USP6: variants seen among roughly 807,000 people sequenced by gnomAD.
USP6 encodes ubiquitin specific peptidase 6.
A neutral mutation model predicts 175.7 loss-of-function variants in USP6; 128 were observed. That is an observed-to-expected ratio of 0.73 (90% CI 0.63 to 0.84). The LOEUF (loss-of-function observed/expected upper bound fraction) is 0.84. Ranked by LOEUF, USP6 falls within the 40% of genes least tolerant of loss-of-function variation. USP6 has a pLI of 0.00. For missense variants in USP6, 1,498 were observed against 1,760.3 expected, an observed-to-expected ratio of 0.85 and a Z score of 2.67; for synonymous variants, 562 against 630.6, an observed-to-expected ratio of 0.89 and a Z score of 1.63.
rs113233452 is a variant in USP6, at chr17:5,163,032, G to T, written c.3036+28G>T. 31 of 1,515,052 alleles carry T rather than the reference G, an allele frequency of 2.0e-5. No homozygotes were observed. The African/African-American group carries it at 3.6e-4, about 18-fold the overall frequency. 93.9% of individuals were successfully genotyped at this position (1,515,052 alleles called of 1,614,324 possible). A position where few individuals can be genotyped will look rare whatever the true frequency, so the allele number is the denominator to read the frequency against. ...AAGAATTTAGGGCCACCGTAAAATG[G>T]TGGTTTTTATATGGGAAATTTCCCC... is the stretch of plus-strand genomic sequence containing the variant. On this transcript the variant is annotated intron_variant, in intron 33 of 37. Coordinates refer to ENST00000574788, the MANE Select transcript of USP6 (RefSeq NM_001304284.2).
intron 31 of USP6, among the ~76,000 whole-genome samples, chr17:5,156,667 A>C (rs1457659060): frequency 6.6e-6 from 1 of 152,112 alleles, no homozygotes; most frequent in East Asian, 1.9e-4. Context: ...TAACTAAAAA[A>C]AGTTCTTTAC....
At position 5,132,191 on chromosome 17, in the gene USP6, C is replaced by T; in HGVS notation, c.156-205C>T. On this transcript the variant is annotated intron_variant, in intron 11 of 37. Coordinates refer to ENST00000574788, the MANE Select transcript of USP6 (RefSeq NM_001304284.2). The surrounding 1 kb of genome is among the most constrained non-coding windows in gnomAD (Gnocchi z 4.7). ...CCCCAGTAACCCCAGCCAGGCTGTCCCTGCACTCCTTCTTCTCCCAGGTCC... is the reference window on the plus strand; with the variant it reads ...CCCCAGTAACCCCAGCCAGGCTGTCTCTGCACTCCTTCTTCTCCCAGGTCC... 3 of 1,534,848 alleles carry T rather than the reference C, an allele frequency of 2.0e-6. No individual in the cohort carries two copies. The South Asian group carries it at 3.6e-5, about 18-fold the overall frequency.
chr17:5,142,956 C>T (rs12450353), intron 25 of USP6, among the ~76,000 whole-genome samples: 73,332 of 152,032 alleles, frequency 0.48, 20,354 homozygotes, highest in Non-Finnish European at 0.64. Flanking sequence ...TTTGGGAGGC[C>T]GAGGTGGGTG....
intron 8 of USP6, chr17:5,129,687 A>G (rs1033283516): frequency 1.3e-5 from 2 of 152,794 alleles, no homozygotes; most frequent in African/African-American, 4.8e-5. Context: ...ACCCAGGAAA[A>G]TGAAGCCCCC....
chr17:5,148,894 A>G (rs1220920681), intron 30 of USP6, 127 bp downstream of exon 30: 12 of 1,430,000 alleles, frequency 8.4e-6, no homozygotes, highest in Admixed American at 2.8e-5. Context: ...TAAAAATTTA[A>G]TACTTTTACA....
At position 5,127,536 on chromosome 17, in the gene USP6, C is replaced by G. The variant is rs114149414; in HGVS notation, c.-441C>G. 6.6e-6 allele frequency: 1 copy of G among 152,292 alleles called. No individual in the cohort carries two copies. The highest frequency in any genetic ancestry group is 2.1e-4 in the South Asian group (1 of 4,826). The allele number at this position is 152,292 out of a possible 1,614,324, so 9.4% of individuals were successfully genotyped here. On this transcript the variant is annotated 5_prime_UTR_variant, in exon 7 of 38. Transcript: ENST00000574788. ...ATTGGGACAGTCTGAGATGGGGAGT[C>G]GGGGGAGACAATGGATGAATGGATG...
chr17:5,145,894 C>T, intron 27 of USP6, 129 bp from the exon 28 acceptor site: 1 of 1,295,326 alleles, frequency 7.7e-7, no homozygotes, highest in Non-Finnish European at 1.0e-6. Context: ...TAGTGTTTAC[C>T]CATAAAATAA....
At chr17:5,163,672 CTG>C (rs1417532270) in intron 33 of USP6, among the ~76,000 whole-genome samples, 1 of 152,194 alleles carries the variant, frequency 6.6e-6, no homozygotes, top group Non-Finnish European at 1.5e-5. Context: ...TGAAACAAAA[CTG>C]TGTCTGGCCA....
Position 5,130,384 on chromosome 17 carries a change from A to T in USP6, c.17A>T (p.Asn6Ile). 6.2e-7 allele frequency: 1 copy of T among 1,614,046 alleles called. No homozygotes were observed. Among genetic ancestry groups the T allele is most frequent in the Non-Finnish European group, 8.5e-7 (1 of 1,180,030 alleles). Residue 6 changes from asparagine (N) to isoleucine (I), a missense_variant, in exon 10 of 38, where the codon AAT (asparagine) becomes ATT (isoleucine). Asn to Ile is a moderately radical substitution (Grantham distance 149). Around this residue, in one of 2 missense-constraint regions of USP6, gnomAD observed 281 missense variants for 259.6 expected, o/e 1.08. Coordinates refer to ENST00000574788, the MANE Select transcript of USP6 (RefSeq NM_001304284.2). ...TCTCACAGGATGGACATGGTAGAGA[A>T]TGCAGATAGTTTGCAGGCACAGGAG... MDMVENADSLQAQERK... is the reference protein window; with the variant it reads MDMVEIADSLQAQERK...
chr17:5,118,972 C>G (rs1221999371), intron 2 of USP6, among the ~76,000 whole-genome samples: 2 of 152,174 alleles, frequency 1.3e-5, no homozygotes, highest in African/African-American at 4.8e-5. Context: ...AGGGAGTAAG[C>G]AAACAGGAAT....
intron 24 of USP6, 74 bp downstream of exon 24, chr17:5,142,215 T>C: frequency 1.9e-6 from 3 of 1,561,940 alleles, no homozygotes; most frequent in Non-Finnish European, 2.6e-6. Flanking sequence ...AATTTCCTCT[T>C]TTTTCACCCT....
intron 31 of USP6, among the ~76,000 whole-genome samples, chr17:5,159,573 GTTT>G (rs2073963117): frequency 6.6e-6 from 1 of 152,144 alleles, no homozygotes; most frequent in African/African-American, 2.4e-5. Context: ...AAGCTGGAAT[GTTT>G]TAGAAAAGGA....
intron 31 of USP6, 21 bp from the exon 32 acceptor site, chr17:5,161,505 CTT>C: frequency 6.2e-7 from 1 of 1,611,544 alleles, no homozygotes; most frequent in Non-Finnish European, 8.5e-7. Flanking sequence ...TTCTTACACT[CTT>C]TTTGTTCTCT....
chr17:5,161,603 C>G lies in USP6; in HGVS notation c.2904C>G (p.Cys968Trp), dbSNP rs1353646157. The change falls in exon 32 of 38, where the codon TGC becomes TGG. Residue 968 changes from cysteine to tryptophan, a missense_variant. Cys to Trp is a radical substitution (Grantham distance 215, BLOSUM62 -2). Coordinates refer to ENST00000574788, the MANE Select transcript of USP6 (RefSeq NM_001304284.2). ...AAGATGGGAACTCCTGTGCTTGGTG[C>G]CCACAGTATAGGTAAAGTGACCTGC... Reference protein sequence around the residue: ...VQKDGNSCAWCPQYRFCRGCK... With the variant: ...VQKDGNSCAWWPQYRFCRGCK... 6.2e-7 allele frequency: 1 copy of G among 1,613,858 alleles called. No individual in the cohort carries two copies. Among genetic ancestry groups the G allele is most frequent in the Non-Finnish European group, 8.5e-7 (1 of 1,179,800 alleles).
intron 17 of USP6, 97 bp downstream of exon 17, chr17:5,136,025 T>A: frequency 6.3e-7 from 1 of 1,575,916 alleles, no homozygotes; most frequent in Non-Finnish European, 8.6e-7. Flanking sequence ...ACACTCCTTG[T>A]GTTGCCAGCT....
At chr17:5,169,505 G>A (rs2144173783) in intron 35 of USP6, among the ~76,000 whole-genome samples, 1 of 152,244 alleles carries the variant, frequency 6.6e-6, no homozygotes, top group Non-Finnish European at 1.5e-5. Flanking sequence ...GTGCAACACA[G>A]ATCACAGCTC....
chr17:5,126,166 A>G (rs1485588993), intron 6 of USP6, among the ~76,000 whole-genome samples: 2 of 150,076 alleles, frequency 1.3e-5, no homozygotes, highest in Non-Finnish European at 3.0e-5. Flanking sequence ...ACCATGCTTC[A>G]GTCTCTTTCT....
Position 5,142,500 on chromosome 17 carries a change from C to T in USP6, c.1816C>T (p.Arg606Trp), listed in dbSNP as rs547440139. 48 of 1,610,750 alleles carry T rather than the reference C, an allele frequency of 3.0e-5. No individual in the cohort carries two copies. The South Asian group carries it at 3.8e-4, about 13-fold the overall frequency. The change falls in exon 25 of 38, where the codon CGG (arginine) becomes TGG (tryptophan). Residue 606 changes from arginine (R) to tryptophan (W), a missense_variant and splice_region_variant. By Grantham distance (101) the Arg-to-Trp change is moderately radical (BLOSUM62 -3). Transcript: ENST00000574788. ...TQKSVAPLKL[R>W]RTIAKYAPKF... ...GAAGAGTGTTGCCCCATTAAAGCTTCGGGTAAGCAGGTTAAAATAATATAA... is the reference window on the plus strand; with the variant it reads ...GAAGAGTGTTGCCCCATTAAAGCTTTGGGTAAGCAGGTTAAAATAATATAA...
At position 5,172,952 on chromosome 17, in the gene USP6, T is replaced by G; in HGVS notation, c.4195T>G (p.Tyr1399Asp). ...SSTDEDSESD[Y>D]EKYSMLQ ...TACGGATGAAGACTCTGAGTCTGAT[T>G]ACGAAAAGTACTCTATGTTACAGTA... Residue 1399 changes from tyrosine (Y) to aspartate (D), a missense_variant, in exon 38 of 38, where the codon TAC becomes GAC. Coordinates refer to ENST00000574788, the MANE Select transcript of USP6 (RefSeq NM_001304284.2). 6.2e-7 allele frequency: 1 copy of G among 1,613,950 alleles called. No individual in the cohort carries two copies. Among genetic ancestry groups the G allele is most frequent in the South Asian group, 1.1e-5 (1 of 91,070 alleles).
Sources: allele counts gnomAD v4.1 joint callset (sites outside exome capture counted in the v4.1 genomes callset), GRCh38; gene constraint gnomAD v4.1.1; regional missense constraint gnomAD v4.1.1; non-coding constraint Gnocchi (gnomAD v3.1); transcripts MANE v1.5; gene names NCBI Gene and HGNC (gene_info 2026-07-23, HGNC 2026-07-21).